ABITRAM: variants seen among roughly 807,000 people sequenced by gnomAD.
ABITRAM encodes the protein actin binding transcription modulator, also known as protein Abitram.
In ABITRAM, 19 loss-of-function variants were observed where a neutral mutation model predicts 22.9. That is an observed-to-expected ratio of 0.83 (90% CI 0.58 to 1.22). The LOEUF (loss-of-function observed/expected upper bound fraction) is 1.22. Ranked by LOEUF, ABITRAM falls within the 50% of genes most tolerant of loss-of-function variation. The pLI is 0.00. For missense variants in ABITRAM, 215 were observed against 220.2 expected, an observed-to-expected ratio of 0.98 and a Z score of 0.15; for synonymous variants, 70 against 73.9, an observed-to-expected ratio of 0.95 and a Z score of 0.27.
chr9:108,943,891 T>C (rs1830320910), downstream of ABITRAM: 1 of 1,599,078 alleles, frequency 6.3e-7, no homozygotes, highest in Non-Finnish European at 8.6e-7. Context: ...CATTTATACA[T>C]TGATATTATA....
chr9:108,938,092 C>G (rs1830210526), intron 3 of ABITRAM, among the ~76,000 whole-genome samples: 1 of 151,844 alleles, frequency 6.6e-6, no homozygotes, highest in Non-Finnish European at 1.5e-5. Context: ...TTCACTGGAT[C>G]TCAGAACTGC....
downstream of ABITRAM, among the ~76,000 whole-genome samples, chr9:108,945,667 G>T (rs1830383400): frequency 6.6e-6 from 1 of 150,714 alleles, no homozygotes; most frequent in Non-Finnish European, 1.5e-5. Context: ...TAGAGACAAG[G>T]TCTCACTATG....
At position 108,939,243 on chromosome 9, in the gene ABITRAM, C is replaced by T. The variant is rs1564115741; in HGVS notation, c.309C>T (p.Cys103=). 5.6e-6 allele frequency: 9 copies of T among 1,614,000 alleles called. No individual in the cohort carries two copies. The highest frequency in any genetic ancestry group is 7.6e-6 in the Non-Finnish European group (9 of 1,179,944). Residue 103 remains cysteine (C), a synonymous_variant, in exon 4 of 6, where the codon TGC becomes TGT. Transcript: ENST00000322940. ...TTGCACCTCTCTGTAAGATTTACTG[C>T]TCAGATGGTGAAGAATATACTGTGT... ...TELAPLCKIY[C]SDGEEYTVSS...
chr9:108,950,605 T>C, exon 4 of ABITRAM: 1 of 1,549,474 alleles, frequency 6.5e-7, no homozygotes. Flanking sequence ...CCTCCTTCTA[T>C]AGGAAGGAAT....
At chr9:108,944,951 A>G (rs758893738), downstream of ABITRAM, among the ~76,000 whole-genome samples, 1 of 152,208 alleles carries the variant, frequency 6.6e-6, no homozygotes, top group Admixed American at 6.5e-5. Context: ...CTTTACATCT[A>G]GACTCCAACC....
chr9:108,945,406 C>A (rs1416070608), downstream of ABITRAM, among the ~76,000 whole-genome samples: 1 of 151,802 alleles, frequency 6.6e-6, no homozygotes, highest in Non-Finnish European at 1.5e-5. Context: ...GGAACTCTAA[C>A]CTTTTAAAAT....
Position 108,950,357 on chromosome 9 carries a change from G to A in ABITRAM, c.262-150G>A, listed in dbSNP as rs546370615. On this transcript the variant is annotated intron_variant, in intron 3 of 3. Coordinates refer to the ABITRAM transcript ENST00000374624. ...TCATGTTGGGAAGACTCAATCACAGGATAAGCTTGCTAACAACAGTTAAGA... is the reference window on the plus strand; with the variant it reads ...TCATGTTGGGAAGACTCAATCACAGAATAAGCTTGCTAACAACAGTTAAGA... The A allele has an allele frequency of 2.4e-5, 20 of 845,066 alleles. No individual in the cohort carries two copies. In the South Asian group the frequency reaches 3.6e-4, roughly 15 times the overall value. The allele number at this position is 845,066 out of a possible 1,614,324, so 52.3% of individuals were successfully genotyped here.
At position 108,936,298 on chromosome 9, in the gene ABITRAM, C is replaced by T; in HGVS notation, c.132-10C>T. 1 of 1,610,244 alleles carries T rather than the reference C, an allele frequency of 6.2e-7. No homozygotes were observed. Among genetic ancestry groups the T allele is most frequent in the Non-Finnish European group, 8.5e-7 (1 of 1,178,780 alleles). On this transcript the variant is annotated splice_polypyrimidine_tract_variant and intron_variant, in intron 2 of 5. Coordinates refer to ENST00000322940, the MANE Select transcript of ABITRAM (RefSeq NM_017832.4). ...AGCAATCACACAGGATCAACTTTTT[C>T]TCCTTGTAGAATATGTGTCATCACA...
intron 3 of ABITRAM, among the ~76,000 whole-genome samples, chr9:108,938,529 A>C (rs1187207846): frequency 1.3e-5 from 2 of 152,186 alleles, no homozygotes; most frequent in Non-Finnish European, 1.5e-5. Context: ...ATGACATTCA[A>C]ATACATACAC....
At chr9:108,936,012 G>T (rs2304783) in intron 2 of ABITRAM, 26,295 of 491,390 alleles carry the variant, frequency 0.054, 1,041 homozygotes, top group Admixed American at 0.14. Flanking sequence ...GTAGAGACAT[G>T]TATGGTATCT....
At chr9:108,948,778 G>A (rs1369243370) in intron 3 of ABITRAM, among the ~76,000 whole-genome samples, 1 of 151,966 alleles carries the variant, frequency 6.6e-6, no homozygotes, top group Non-Finnish European at 1.5e-5. Flanking sequence ...AAACTACCAA[G>A]AAGAATTAAG....
intron 3 of ABITRAM, among the ~76,000 whole-genome samples, chr9:108,947,479 A>G (rs982542646): frequency 1.3e-5 from 2 of 152,232 alleles, no homozygotes; most frequent in African/African-American, 4.8e-5. Context: ...ATGAGTGATA[A>G]AGTGACAGAA....
intron 3 of ABITRAM, among the ~76,000 whole-genome samples, chr9:108,949,014 A>G (rs575745820): frequency 2.0e-5 from 3 of 152,206 alleles, no homozygotes; most frequent in Non-Finnish European, 2.9e-5. Flanking sequence ...TATGTTTGAA[A>G]TATTGAAAAA....
In ABITRAM at chr9:108,940,556, A is replaced by G. The variant is rs1303840321; in HGVS notation, c.*870A>G. ...GCCAACAAGATGGCCTTCCCCTCTGAAACAAAGTAAAACTGCAACACTGTG... is the reference window on the plus strand; with the variant it reads ...GCCAACAAGATGGCCTTCCCCTCTGGAACAAAGTAAAACTGCAACACTGTG... On this transcript the variant is annotated 3_prime_UTR_variant, in exon 6 of 6. Transcript: ENST00000322940. 1.3e-5 allele frequency: 2 copies of G among 152,192 alleles called. No homozygotes were observed. Among genetic ancestry groups the G allele is most frequent in the East Asian group, 3.9e-4 (2 of 5,194 alleles). The allele number at this position is 152,192 out of a possible 1,614,324, so 9.4% of individuals were successfully genotyped here.
intron 3 of ABITRAM, among the ~76,000 whole-genome samples, chr9:108,936,900 C>A (rs767789444): frequency 6.6e-6 from 1 of 151,698 alleles, no homozygotes; most frequent in Non-Finnish European, 1.5e-5. Flanking sequence ...CAATGGCTCA[C>A]GCCTATAATC....
Position 108,935,876 on chromosome 9 carries a change from C to A in ABITRAM, c.131+187C>A, listed in dbSNP as rs1587933935. 12 of 575,266 alleles carry A rather than the reference C, an allele frequency of 2.1e-5. No homozygotes were observed. In the East Asian group the frequency reaches 3.2e-4, roughly 15 times the overall value. The allele number at this position is 575,266 out of a possible 1,614,324, so 35.6% of individuals were successfully genotyped here. A position where few individuals can be genotyped will look rare whatever the true frequency, so the allele number is the denominator to read the frequency against. Reference sequence around the variant, plus strand: ...CAAGAATGAGTATTCCAGTGCCTGGCCACTCTGAACATATAAATTTGATTA... The same window carrying A: ...CAAGAATGAGTATTCCAGTGCCTGGACACTCTGAACATATAAATTTGATTA... On this transcript the variant is annotated intron_variant, in intron 2 of 5. Transcript: ENST00000322940.
At position 108,934,433 on chromosome 9, in the gene ABITRAM, G is replaced by GCGGAGGAAGCGCTGGGGTCC. The variant is rs1830128678; in HGVS notation, c.-47_-28dup. 1.7e-5 allele frequency: 25 copies of GCGGAGGAAGCGCTGGGGTCC among 1,503,616 alleles called. No individual in the cohort carries two copies. Among genetic ancestry groups the GCGGAGGAAGCGCTGGGGTCC allele is most frequent in the Non-Finnish European group, 2.1e-5 (23 of 1,112,894 alleles). 93.1% of individuals were successfully genotyped at this position (1,503,616 alleles called of 1,614,324 possible). On this transcript the variant is annotated 5_prime_UTR_variant, in exon 1 of 6. Coordinates refer to ENST00000322940, the MANE Select transcript of ABITRAM (RefSeq NM_017832.4). ...GAAGAGCACGCCCAGTCCGGGCTGC[G>GCGGAGGAAGCGCTGGGGTCC]CGGAGGAAGCGCTGGGGTCCCGGAG... is the stretch of plus-strand genomic sequence containing the variant.
downstream of ABITRAM, among the ~76,000 whole-genome samples, chr9:108,941,341 A>G (rs1830252721): frequency 1.3e-5 from 2 of 152,172 alleles, no homozygotes; most frequent in Non-Finnish European, 1.5e-5. Flanking sequence ...AAGTAGCACA[A>G]TGACTCTTGA....
intron 3 of ABITRAM, chr9:108,948,079 A>G (rs975267167): frequency 1.6e-6 from 2 of 1,257,956 alleles, no homozygotes; most frequent in African/African-American, 3.0e-5. Flanking sequence ...ACAGGTAGGT[A>G]CAGATGTAAG....
Sources: gnomAD v4.1 joint callset for allele counts (sites outside exome capture counted in the v4.1 genomes callset) on GRCh38, gnomAD v4.1.1 for gene constraint, MANE v1.5 for transcripts, NCBI Gene and HGNC (gene_info 2026-07-23, HGNC 2026-07-21) for gene names.